Variants in RANBP2 observed in about 807,000 individuals in gnomAD.
RANBP2 encodes RAN binding protein 2, also known as E3 SUMO-protein ligase RanBP2.
Under a neutral mutation model 303.6 loss-of-function variants are expected in RANBP2, and 57 were observed. The observed-to-expected ratio is 0.19, with a 90% CI of 0.15 to 0.23. The LOEUF is 0.23. Ranked by LOEUF, RANBP2 falls within the 10% of genes least tolerant of loss-of-function variation. The pLI, the probability that RANBP2 is intolerant of heterozygous loss-of-function variation, is 1.00. For missense variants in RANBP2, 3,138 were observed against 3,780.8 expected (o/e 0.83, Z 4.46); for synonymous variants, 1,167 against 1,301.5 (o/e 0.90, Z 2.23).
At chr2:108,850,432 T>A in the RANBP2 span, among the ~76,000 whole-genome samples, 1 of 152,162 alleles carries the variant, frequency 6.6e-6, no homozygotes, top group Non-Finnish European at 1.5e-5. Flanking sequence ...TATATAATAC[T>A]TGGCGAGTTT....
chr2:109,429,294 T>G, the RANBP2 span, among the ~76,000 whole-genome samples: 3 of 152,008 alleles, frequency 2.0e-5, no homozygotes, highest in African/African-American at 4.8e-5. Flanking sequence ...GCTTTTGGTG[T>G]CCCCTACGAG....
chr2:109,642,747 T>C, the RANBP2 span, among the ~76,000 whole-genome samples: 3 of 151,792 alleles, frequency 2.0e-5, no homozygotes, highest in Non-Finnish European at 4.4e-5. Flanking sequence ...GAAGGGAAAA[T>C]TTTTTAAGAT....
the RANBP2 span, among the ~76,000 whole-genome samples, chr2:109,490,251 C>T: frequency 3.9e-5 from 6 of 152,202 alleles, no homozygotes; most frequent in Non-Finnish European, 7.3e-5. Flanking sequence ...AAGCAAAGAG[C>T]AGGCATGCTT....
At chr2:109,610,141 T>G in the RANBP2 span, among the ~76,000 whole-genome samples, 1 of 150,826 alleles carries the variant, frequency 6.6e-6, no homozygotes, top group Non-Finnish European at 1.5e-5. Flanking sequence ...CAGGCTGGAG[T>G]GCAGTGGCGC....
chr2:108,894,504 T>C, the RANBP2 span: 3 of 152,488 alleles, frequency 2.0e-5, no homozygotes, highest in Admixed American at 6.6e-5. Context: ...TTATAAAATA[T>C]AATAAGTTAT....
chr2:108,986,099 C>G, the RANBP2 span, among the ~76,000 whole-genome samples: 1 of 152,136 alleles, frequency 6.6e-6, no homozygotes, highest in East Asian at 1.9e-4. Flanking sequence ...TAAATATGGT[C>G]AAGCTCATTT....
At chr2:109,607,212 TAGTA>T in the RANBP2 span, among the ~76,000 whole-genome samples, 1 of 152,330 alleles carries the variant, frequency 6.6e-6, no homozygotes, top group Non-Finnish European at 1.5e-5. Context: ...AAATTCATAT[TAGTA>T]AGCTGCTTGG....
chr2:109,174,464 A>G, the RANBP2 span, among the ~76,000 whole-genome samples: 8 of 152,182 alleles, frequency 5.3e-5, no homozygotes, highest in Non-Finnish European at 1.0e-4. Flanking sequence ...TGATCAGAGT[A>G]GGCACCAGGC....
chr2:109,449,510 G>A, the RANBP2 span: 36 of 1,610,736 alleles, frequency 2.2e-5, no homozygotes, highest in African/African-American at 2.8e-4. Context: ...CATCCTGGAC[G>A]AGCCCTGGGC....
the RANBP2 span, among the ~76,000 whole-genome samples, chr2:109,699,096 G>A: frequency 6.6e-6 from 1 of 152,168 alleles, no homozygotes; most frequent in Non-Finnish European, 1.5e-5. Context: ...GTCCCAGGTT[G>A]TGAAGCCTGC....
At chr2:109,669,716 G>A in the RANBP2 span, among the ~76,000 whole-genome samples, 3 of 152,086 alleles carry the variant, frequency 2.0e-5, no homozygotes, top group Non-Finnish European at 2.9e-5. Context: ...AACCCTCACC[G>A]CCTCTGGCTC....
chr2:109,294,990 A>G, the RANBP2 span, among the ~76,000 whole-genome samples: 1 of 152,250 alleles, frequency 6.6e-6, no homozygotes, highest in Non-Finnish European at 1.5e-5. Context: ...CATGGTAGCC[A>G]GGCCTTTTCC....
chr2:109,684,950 T>C, the RANBP2 span, among the ~76,000 whole-genome samples: 1 of 152,136 alleles, frequency 6.6e-6, no homozygotes, highest in African/African-American at 2.4e-5. Context: ...CTCAGCTCAC[T>C]GCAGTCTGCA....
At chr2:109,032,868 G>A in the RANBP2 span, among the ~76,000 whole-genome samples, 1 of 152,224 alleles carries the variant, frequency 6.6e-6, no homozygotes, top group Admixed American at 6.5e-5. Context: ...GGGCCTAACA[G>A]AGAACTCCAG....
the RANBP2 span, among the ~76,000 whole-genome samples, chr2:108,793,891 C>G: frequency 6.6e-6 from 1 of 151,838 alleles, no homozygotes; most frequent in African/African-American, 2.4e-5. Context: ...CGTGAGCCAC[C>G]GCGCCCTGCC....
chr2:109,698,467 GAA>G, the RANBP2 span, among the ~76,000 whole-genome samples: 1 of 145,190 alleles, frequency 6.9e-6, no homozygotes, highest in South Asian at 2.2e-4. Flanking sequence ...CCCCATTTCA[GAA>G]AAAAAAAATA....
the RANBP2 span, among the ~76,000 whole-genome samples, chr2:109,446,336 G>C: frequency 6.6e-6 from 1 of 152,166 alleles, no homozygotes; most frequent in African/African-American, 2.4e-5. Context: ...TACATGCCAG[G>C]GACCATTGCG....
the RANBP2 span, among the ~76,000 whole-genome samples, chr2:109,179,214 G>A: frequency 6.6e-6 from 1 of 152,174 alleles, no homozygotes; most frequent in Non-Finnish European, 1.5e-5. Flanking sequence ...ATCAAAATTA[G>A]GTTCTACTTC....
At chr2:109,317,292 G>T in the RANBP2 span, among the ~76,000 whole-genome samples, 1 of 152,168 alleles carries the variant, frequency 6.6e-6, no homozygotes, top group Non-Finnish European at 1.5e-5. Context: ...TGCCCATGGT[G>T]ACAGGGCGAC....
Sources: allele counts gnomAD v4.1 joint callset (sites outside exome capture counted in the v4.1 genomes callset), GRCh38; gene constraint gnomAD v4.1.1; transcripts MANE v1.5; gene names NCBI Gene and HGNC (gene_info 2026-07-23, HGNC 2026-07-21).